The following DOCK7 variants were observed in gnomAD, a reference collection of about 807,000 sequenced individuals.
The protein encoded by DOCK7 is dedicator of cytokinesis protein 7.
Under a neutral mutation model 271.0 loss-of-function variants are expected in DOCK7, and 138 were observed. The ratio of observed to expected loss-of-function variants is 0.51; its 90% CI spans 0.44 to 0.59. DOCK7 has a LOEUF of 0.59. Among genes scored for constraint, DOCK7 ranks in the 20% least tolerant of loss-of-function variants. The probability of loss-of-function intolerance (pLI) is 0.00; values close to 1 mark genes in which losing one functional copy is unlikely to be tolerated. For missense variants in DOCK7, 2,066 were observed against 2,592.4 expected (o/e 0.80, Z 4.41); for synonymous variants, 823 against 876.1 (o/e 0.94, Z 1.07).
intron 18 of DOCK7, among the ~76,000 whole-genome samples, chr1:62,562,259 T>A (rs1646350390): frequency 7.0e-6 from 1 of 143,168 alleles, no homozygotes; most frequent in Non-Finnish European, 1.5e-5. Context: ...TGAAATAGAG[T>A]CTCGCTCTGT....
chr1:62,502,551 T>C (rs1369173366), intron 37 of DOCK7, among the ~76,000 whole-genome samples: 1 of 152,186 alleles, frequency 6.6e-6, no homozygotes, highest in Non-Finnish European at 1.5e-5. Flanking sequence ...ATTTTTCTCA[T>C]CCTCCACAAA....
chr1:62,601,932 T>C (rs1650186811), intron 14 of DOCK7: 5 of 1,145,158 alleles, frequency 4.4e-6, no homozygotes, highest in Non-Finnish European at 5.3e-6. Flanking sequence ...ACTTACTCAT[T>C]ACGTATTAGG....
intron 48 of DOCK7, among the ~76,000 whole-genome samples, chr1:62,461,985 C>T (rs368502336): frequency 1.3e-4 from 20 of 151,406 alleles, no homozygotes; most frequent in African/African-American, 4.8e-4. Context: ...GTAGGAGAAT[C>T]GCTTGAACCC....
chr1:62,597,955 A>C, intron 14 of DOCK7: 1 of 1,555,294 alleles, frequency 6.4e-7, no homozygotes, highest in Non-Finnish European at 8.6e-7. Flanking sequence ...CTCCTAGAAG[A>C]AAAAATTCTA....
At chr1:62,637,131 T>C (rs1019707292) in intron 7 of DOCK7, among the ~76,000 whole-genome samples, 1 of 152,196 alleles carries the variant, frequency 6.6e-6, no homozygotes, top group Admixed American at 6.5e-5. Context: ...TTTTAAACAG[T>C]GTCACAGTAT....
chr1:62,588,201 A>T (rs535835699), intron 14 of DOCK7, among the ~76,000 whole-genome samples: 1 of 152,334 alleles, frequency 6.6e-6, no homozygotes, highest in South Asian at 2.1e-4. Context: ...TTTATAAAGA[A>T]AACATTTGCT....
chr1:62,603,570 G>C (rs2149540758), intron 14 of DOCK7, among the ~76,000 whole-genome samples: 1 of 151,702 alleles, frequency 6.6e-6, no homozygotes, highest in Admixed American at 6.6e-5. Flanking sequence ...AAGTCTCTAG[G>C]AATACTTAAC....
At chr1:62,577,586 A>T (rs1646976268) in intron 17 of DOCK7, among the ~76,000 whole-genome samples, 2 of 152,210 alleles carry the variant, frequency 1.3e-5, no homozygotes, top group African/African-American at 2.4e-5. Flanking sequence ...AAACATTATT[A>T]TTACTAACCA....
chr1:62,549,000 G>A (rs557404697), intron 22 of DOCK7, among the ~76,000 whole-genome samples: 9 of 152,268 alleles, frequency 5.9e-5, no homozygotes, highest in East Asian at 3.9e-4. Flanking sequence ...TAACATTTAC[G>A]TGGTATTTAA....
chr1:62,612,069 T>C (rs1007920630), intron 14 of DOCK7, among the ~76,000 whole-genome samples: 3 of 151,298 alleles, frequency 2.0e-5, no homozygotes, highest in Non-Finnish European at 2.9e-5. Context: ...GGCAGGAAAA[T>C]TGCTTGAACC....
chr1:62,659,481 A>C (rs1658420287), intron 2 of DOCK7, among the ~76,000 whole-genome samples: 1 of 152,210 alleles, frequency 6.6e-6, no homozygotes, highest in Admixed American at 6.5e-5. Flanking sequence ...GAAAAAAAGA[A>C]AACAGAGAGA....
intron 2 of DOCK7, among the ~76,000 whole-genome samples, chr1:62,656,920 C>T (rs1658088008): frequency 6.6e-6 from 1 of 152,162 alleles, no homozygotes; most frequent in Non-Finnish European, 1.5e-5. Flanking sequence ...GATTTCTTCC[C>T]TCACAAAGCT....
At chr1:62,606,485 T>C (rs1651012639) in intron 14 of DOCK7, among the ~76,000 whole-genome samples, 1 of 152,092 alleles carries the variant, frequency 6.6e-6, no homozygotes, top group Non-Finnish European at 1.5e-5. Context: ...CTAACTACTT[T>C]GCTTAAAGTG....
At chr1:62,514,473 T>C (rs1218014162) in intron 31 of DOCK7, among the ~76,000 whole-genome samples, 1 of 152,076 alleles carries the variant, frequency 6.6e-6, no homozygotes, top group African/African-American at 2.4e-5. Flanking sequence ...TAGTATATAG[T>C]ATGTAAAACA....
At chr1:62,479,285 AG>A (rs1375061997) in intron 43 of DOCK7, among the ~76,000 whole-genome samples, 2 of 150,142 alleles carry the variant, frequency 1.3e-5, no homozygotes. Flanking sequence ...CCAAAAAAAA[AG>A]GTATAGTGAT....
intron 20 of DOCK7, among the ~76,000 whole-genome samples, chr1:62,556,436 A>T (rs192986396): frequency 1.3e-5 from 2 of 151,986 alleles, no homozygotes; most frequent in Non-Finnish European, 2.9e-5. Context: ...AATAAAAGAG[A>T]TTATTGAAAA....
chr1:62,593,795 T>G (rs555003148), intron 14 of DOCK7, among the ~76,000 whole-genome samples: 1 of 152,266 alleles, frequency 6.6e-6, no homozygotes, highest in East Asian at 1.9e-4. Context: ...AACTGAGATA[T>G]GTTCTCAGTA....
intron 14 of DOCK7, among the ~76,000 whole-genome samples, chr1:62,617,492 G>A (rs572727746): frequency 1.3e-5 from 2 of 152,058 alleles, no homozygotes; most frequent in South Asian, 4.1e-4. Flanking sequence ...TTCAAGATCA[G>A]AGACTGTCTA....
chr1:62,472,507 T>C (rs1645860859), intron 48 of DOCK7, among the ~76,000 whole-genome samples: 1 of 152,300 alleles, frequency 6.6e-6, no homozygotes, highest in African/African-American at 2.4e-5. Flanking sequence ...ACAGTAAATG[T>C]ATACAAAAAG....
Sources: allele counts gnomAD v4.1 joint callset (sites outside exome capture counted in the v4.1 genomes callset), GRCh38; gene constraint gnomAD v4.1.1; transcripts MANE v1.5; gene names NCBI Gene and HGNC (gene_info 2026-07-23, HGNC 2026-07-21).